Variants in EMID1 observed in about 807,000 individuals in gnomAD.
The protein encoded by EMID1 is EMI domain containing 1.
Under a neutral mutation model 60.6 loss-of-function variants are expected in EMID1, and 40 were observed. The ratio of observed to expected loss-of-function variants is 0.66; its 90% CI spans 0.51 to 0.86. The LOEUF is 0.86. Ranked by LOEUF, EMID1 falls within the 40% of genes least tolerant of loss-of-function variation. The pLI is 0.00. For synonymous variants in EMID1, 242 were observed against 231.0 expected (o/e 1.05, Z -0.43); for missense variants, 585 against 597.1 (o/e 0.98, Z 0.21).
intron 5 of EMID1, among the ~76,000 whole-genome samples, chr22:29,230,624 C>T (rs3765294): frequency 0.72 from 110,225 of 152,084 alleles, 40,590 homozygotes; most frequent in African/African-American, 0.84. Context: ...CCCTGCTGGC[C>T]ATGTGCCTCC....
At chr22:29,255,202 C>CCCATGGG in intron 14 of EMID1, 1 of 734,564 alleles carries the variant, frequency 1.4e-6, no homozygotes, top group Non-Finnish European at 2.1e-6. Context: ...CCACCCTCCC[C>CCCATGGG]GCTTGGCTCC....
At position 29,259,428 on chromosome 22, in the gene EMID1, G is replaced by T. The variant is rs929685328; in HGVS notation, c.*484G>T. The T allele has an allele frequency of 5.9e-6, 1 of 169,784 alleles. No homozygotes were observed. The highest frequency in any genetic ancestry group is 1.2e-5 in the Non-Finnish European group (1 of 80,238). The allele number at this position is 169,784 out of a possible 1,614,324, so 10.5% of individuals were successfully genotyped here. On this transcript the variant is annotated 3_prime_UTR_variant, in exon 15 of 15. Coordinates refer to ENST00000334018, the MANE Select transcript of EMID1 (RefSeq NM_133455.4). ...TGCCCAATCCTCTGACTGGATCACCGGGGGCTTCTTGCCTCAGTTCTTCCC... is the reference window on the plus strand; with the variant it reads ...TGCCCAATCCTCTGACTGGATCACCTGGGGCTTCTTGCCTCAGTTCTTCCC...
intron 8 of EMID1, chr22:29,233,178 G>A: frequency 1.6e-6 from 1 of 631,302 alleles, no homozygotes. Context: ...AGTGGGGTTA[G>A]AACCCACATC....
intron 13 of EMID1, among the ~76,000 whole-genome samples, chr22:29,247,897 CTGGAATTACAGGCG>C (rs2146410645): frequency 6.6e-6 from 1 of 151,572 alleles, no homozygotes; most frequent in South Asian, 2.1e-4. Context: ...TCCCAAAGTG[CTGGAATTACAGGCG>C]TGAGCCACCG....
At chr22:29,235,207 G>C in intron 12 of EMID1, among the ~76,000 whole-genome samples, 1 of 152,010 alleles carries the variant, frequency 6.6e-6, no homozygotes, top group East Asian at 1.9e-4. Context: ...AATTAGCCAG[G>C]CATGGTGGTA....
chr22:29,250,649 C>T (rs930784777), intron 13 of EMID1, among the ~76,000 whole-genome samples: 4 of 150,502 alleles, frequency 2.7e-5, no homozygotes, highest in Non-Finnish European at 4.4e-5. Context: ...TCACTGCAAC[C>T]TCTGCCTCCC....
intron 10 of EMID1, 95 bp from the exon 11 acceptor site, chr22:29,234,042 C>G: frequency 7.0e-7 from 1 of 1,438,306 alleles, no homozygotes; most frequent in Non-Finnish European, 9.4e-7. Context: ...AGGCCCAGAC[C>G]AAGCTTGAGC....
chr22:29,224,089 G>C (rs1026798947), intron 3 of EMID1, among the ~76,000 whole-genome samples: 1 of 152,216 alleles, frequency 6.6e-6, no homozygotes, highest in Non-Finnish European at 1.5e-5. Flanking sequence ...CCTTGAGGAG[G>C]GTATGCTGGG....
At chr22:29,212,337 G>T (rs1182232349) in intron 1 of EMID1, among the ~76,000 whole-genome samples, 2 of 151,948 alleles carry the variant, frequency 1.3e-5, no homozygotes, top group African/African-American at 4.8e-5. Context: ...TTCTCACCGT[G>T]TTGCCCAGGC....
chr22:29,211,383 A>T (rs1167393775), intron 1 of EMID1, among the ~76,000 whole-genome samples: 1 of 151,572 alleles, frequency 6.6e-6, no homozygotes, highest in Non-Finnish European at 1.5e-5. Flanking sequence ...GTTTATGTGG[A>T]TCTGTGTGTG....
At chr22:29,212,565 G>A (rs1437924601) in intron 1 of EMID1, among the ~76,000 whole-genome samples, 1 of 147,482 alleles carries the variant, frequency 6.8e-6, no homozygotes, top group Admixed American at 6.7e-5. Context: ...CATCTGTAAT[G>A]TGGCTTTTTT....
intron 3 of EMID1, among the ~76,000 whole-genome samples, chr22:29,223,765 C>T (rs960483685): frequency 3.3e-5 from 5 of 152,222 alleles, no homozygotes; most frequent in Non-Finnish European, 7.3e-5. Context: ...TGCCCTGTGC[C>T]TCAGTTTCCC....
intron 14 of EMID1, among the ~76,000 whole-genome samples, chr22:29,256,632 A>G (rs1221597783): frequency 6.6e-6 from 1 of 151,976 alleles, no homozygotes; most frequent in Non-Finnish European, 1.5e-5. Flanking sequence ...GGCCTTGGGG[A>G]GCTGGCCATG....
intron 1 of EMID1, among the ~76,000 whole-genome samples, chr22:29,210,845 G>A (rs1363397309): frequency 2.0e-5 from 3 of 151,950 alleles, no homozygotes; most frequent in East Asian, 1.9e-4. Context: ...TGTTGTCCAC[G>A]TGTGTGTGTG....
intron 12 of EMID1, among the ~76,000 whole-genome samples, chr22:29,241,431 T>A (rs2041150082): frequency 6.6e-6 from 1 of 152,170 alleles, no homozygotes; most frequent in South Asian, 2.1e-4. Flanking sequence ...CCTTGTCCCC[T>A]AGGCTGGAGT....
intron 1 of EMID1, among the ~76,000 whole-genome samples, chr22:29,211,814 T>C (rs1446587158): frequency 1.3e-5 from 2 of 152,224 alleles, no homozygotes; most frequent in East Asian, 3.8e-4. Context: ...ACGAAGCCCC[T>C]GGGCCAGCCT....
At position 29,215,049 on chromosome 22, in the gene EMID1, G is replaced by A; in HGVS notation, c.215+10G>A. On this transcript the variant is annotated intron_variant, in intron 2 of 14. Transcript: ENST00000334018. Reference sequence around the variant, plus strand: ...GCTGTCCGGGGAGCAGGTAAATGAGGTGGAGAAGGAACTGATGGCATTCCA... The same window carrying A: ...GCTGTCCGGGGAGCAGGTAAATGAGATGGAGAAGGAACTGATGGCATTCCA... The A allele has an allele frequency of 1.3e-6, 2 of 1,526,978 alleles. No individual in the cohort carries two copies. Among genetic ancestry groups the A allele is most frequent in the Non-Finnish European group, 1.8e-6 (2 of 1,130,090 alleles). The allele number at this position is 1,526,978 out of a possible 1,614,324, so 94.6% of individuals were successfully genotyped here.
At chr22:29,222,249 A>T (rs2040327208) in intron 3 of EMID1, among the ~76,000 whole-genome samples, 1 of 151,932 alleles carries the variant, frequency 6.6e-6, no homozygotes, top group African/African-American at 2.4e-5. Context: ...ATGCGCCACC[A>T]TACCCAGCTA....
intron 3 of EMID1, among the ~76,000 whole-genome samples, chr22:29,220,839 C>T (rs967445598): frequency 6.6e-6 from 1 of 152,106 alleles, no homozygotes; most frequent in Non-Finnish European, 1.5e-5. Flanking sequence ...TTAGCTCAGG[C>T]CTGGCACTGG....
Sources: allele counts gnomAD v4.1 joint callset (sites outside exome capture counted in the v4.1 genomes callset), GRCh38; gene constraint gnomAD v4.1.1; transcripts MANE v1.5; gene names NCBI Gene and HGNC (gene_info 2026-07-23, HGNC 2026-07-21).